TBXAS1: variants seen among roughly 807,000 people sequenced by gnomAD.
TBXAS1 encodes the protein thromboxane-A synthase.
A neutral mutation model predicts 60.7 loss-of-function variants in TBXAS1; 48 were observed. The observed-to-expected ratio is 0.79, with a 90% CI of 0.63 to 1.01. The LOEUF is 1.01. Among genes scored for constraint, TBXAS1 ranks in the 50% least tolerant of loss-of-function variants. The pLI, the probability that TBXAS1 is intolerant of heterozygous loss-of-function variation, is 0.00. For missense variants in TBXAS1, 685 were observed against 686.3 expected, an observed-to-expected ratio of 1.00 and a Z score of 0.02; for synonymous variants, 287 against 269.7, an observed-to-expected ratio of 1.06 and a Z score of -0.63.
At chr7:139,782,764 C>T (rs1020119173) in intron 3 of TBXAS1, 18 of 152,106 alleles carry the variant, frequency 1.2e-4, no homozygotes, top group Middle Eastern at 3.2e-3. Context: ...CTTTTGATAT[C>T]ACACCTCTCT....
At chr7:139,985,854 T>C (rs1812416774) in intron 9 of TBXAS1, among the ~76,000 whole-genome samples, 1 of 152,190 alleles carries the variant, frequency 6.6e-6, no homozygotes, top group Non-Finnish European at 1.5e-5. Context: ...TGCCACTTCC[T>C]CTTGTCCAGC....
Position 139,917,606 on chromosome 7 carries a change from C to T in TBXAS1, c.333+6285C>T, listed in dbSNP as rs372501614. Among the ~76,000 whole-genome samples, 11 of 152,326 alleles carry T rather than the reference C, an allele frequency of 7.2e-5. No homozygotes were observed. The South Asian group carries it at 1.0e-3, about 14-fold the overall frequency. On this transcript the variant is annotated intron_variant, in intron 4 of 12. Transcript: ENST00000448866. ...TTAATCAGTACAACACACTGAGCTT[C>T]GTTTCCAACATGGTAGCTAAGTTTT...
rs1364241680 is a variant in TBXAS1 at position 139,975,370 on chromosome 7, G to A, written c.1134+13137G>A. On this transcript the variant is annotated intron_variant, in intron 9 of 12. Transcript: ENST00000448866. The surrounding 1 kb of genome is among the most constrained non-coding windows in gnomAD (Gnocchi z 4.4). ...GGGCCTAGGTCGGATTGGCACTCAC[G>A]TTTCCCGACTCCTTAGTCTGTATTC... 3.3e-5 allele frequency among the ~76,000 whole-genome samples: 5 copies of A among 152,146 alleles called. No homozygotes were observed. The highest frequency in any genetic ancestry group is 1.3e-4 in the Admixed American group (2 of 15,272).
chr7:139,969,862 A>C (rs1811064640), intron 9 of TBXAS1, among the ~76,000 whole-genome samples: 1 of 152,204 alleles, frequency 6.6e-6, no homozygotes, highest in African/African-American at 2.4e-5. Flanking sequence ...AGGACAACAG[A>C]GCACAAAGCC....
At chr7:139,992,146 G>A (rs1812954429) in intron 9 of TBXAS1, among the ~76,000 whole-genome samples, 1 of 152,202 alleles carries the variant, frequency 6.6e-6, no homozygotes, top group Non-Finnish European at 1.5e-5. Context: ...GGGACCACCT[G>A]CAGGCCAGCT....
At chr7:139,876,493 T>C (rs1045432106) in intron 3 of TBXAS1, among the ~76,000 whole-genome samples, 1 of 152,180 alleles carries the variant, frequency 6.6e-6, no homozygotes, top group Non-Finnish European at 1.5e-5. Context: ...GCGATCACTT[T>C]TGTAGGTGCA....
chr7:139,940,301 G>A (rs1452213899), intron 5 of TBXAS1, among the ~76,000 whole-genome samples: 2 of 152,078 alleles, frequency 1.3e-5, no homozygotes, highest in African/African-American at 4.8e-5. Context: ...AAAACCTCCT[G>A]GTTTCTGGAT....
intron 4 of TBXAS1, among the ~76,000 whole-genome samples, chr7:139,790,358 C>G (rs982946242): frequency 1.1e-4 from 16 of 152,334 alleles, no homozygotes; most frequent in African/African-American, 2.9e-4. Flanking sequence ...AAAACTAGAA[C>G]AATCCAAGTC....
intron 4 of TBXAS1, among the ~76,000 whole-genome samples, chr7:139,921,649 G>A (rs1012007787): frequency 1.3e-5 from 2 of 152,236 alleles, no homozygotes; most frequent in Non-Finnish European, 2.9e-5. Context: ...GCTATAGTGA[G>A]CTATGATCGT....
At chr7:140,008,266 C>T (rs756013553) in intron 10 of TBXAS1, among the ~76,000 whole-genome samples, 4 of 152,084 alleles carry the variant, frequency 2.6e-5, no homozygotes, top group South Asian at 2.1e-4. Flanking sequence ...ATTCCGGTGG[C>T]GTGATTCGAA....
chr7:139,842,456 A>G (rs1288225803), intron 1 of TBXAS1, among the ~76,000 whole-genome samples: 1 of 152,168 alleles, frequency 6.6e-6, no homozygotes, highest in Non-Finnish European at 1.5e-5. Flanking sequence ...CTTGCCACTG[A>G]AGGGAAGTAC....
intron 9 of TBXAS1, among the ~76,000 whole-genome samples, chr7:139,974,676 A>G (rs1811442859): frequency 6.6e-6 from 1 of 152,202 alleles, no homozygotes. Context: ...GCAATGTTTG[A>G]ACAGCGCCAG....
intron 9 of TBXAS1, among the ~76,000 whole-genome samples, chr7:139,991,500 T>G (rs1024070311): frequency 6.6e-6 from 1 of 152,112 alleles, no homozygotes; most frequent in African/African-American, 2.4e-5. Flanking sequence ...ATGGAATGAC[T>G]GTCAAGGTTA....
At chr7:139,883,265 C>T (rs1388637719) in intron 3 of TBXAS1, among the ~76,000 whole-genome samples, 4 of 152,228 alleles carry the variant, frequency 2.6e-5, no homozygotes, top group Non-Finnish European at 4.4e-5. Flanking sequence ...AGCATGATCT[C>T]GTTATACCAA....
chr7:139,885,800 C>T (rs1172393692), intron 3 of TBXAS1, among the ~76,000 whole-genome samples: 4 of 152,134 alleles, frequency 2.6e-5, no homozygotes, highest in Admixed American at 2.6e-4. Context: ...AAAACCAGTT[C>T]TAAATCTTGT....
intron 4 of TBXAS1, among the ~76,000 whole-genome samples, chr7:139,791,002 C>T (rs1797364246): frequency 6.6e-6 from 1 of 152,198 alleles, no homozygotes; most frequent in Non-Finnish European, 1.5e-5. Context: ...TGGAGTTTCA[C>T]CATGTTGTCC....
intron 9 of TBXAS1, 63 bp from the exon 10 acceptor site, chr7:140,007,028 G>C: frequency 6.8e-7 from 1 of 1,465,362 alleles, no homozygotes; most frequent in South Asian, 1.1e-5. Flanking sequence ...TTAAGGAAAA[G>C]ACAAAATGCT....
At chr7:139,905,572 G>A (rs188020352) in intron 3 of TBXAS1, among the ~76,000 whole-genome samples, 17 of 152,272 alleles carry the variant, frequency 1.1e-4, no homozygotes, top group Non-Finnish European at 2.2e-4. Context: ...TCGGTCTGTA[G>A]TTTTCTTTTT....
chr7:139,881,786 C>T (rs1802717677), intron 3 of TBXAS1, among the ~76,000 whole-genome samples: 1 of 152,272 alleles, frequency 6.6e-6, no homozygotes, highest in Admixed American at 6.5e-5. Flanking sequence ...AAGGGCCTGA[C>T]ACTTAGCTTC....
Sources: gnomAD v4.1 joint callset for allele counts (sites outside exome capture counted in the v4.1 genomes callset) on GRCh38, gnomAD v4.1.1 for gene constraint, Gnocchi (gnomAD v3.1) non-coding constraint, MANE v1.5 for transcripts, NCBI Gene and HGNC (gene_info 2026-07-23, HGNC 2026-07-21) for gene names.